Variants in BAG3 observed in about 807,000 individuals in gnomAD.
BAG3 encodes BAG family molecular chaperone regulator 3.
A neutral mutation model predicts 40.5 loss-of-function variants in BAG3; 14 were observed. The ratio of observed to expected loss-of-function variants is 0.35; its 90% CI spans 0.23 to 0.54. The LOEUF is 0.54. Ranked by LOEUF, BAG3 falls within the 20% of genes least tolerant of loss-of-function variation. The pLI, the probability that BAG3 is intolerant of heterozygous loss-of-function variation, is 0.91. For synonymous variants in BAG3, 302 were observed against 307.8 expected, an observed-to-expected ratio of 0.98 and a Z score of 0.20; for missense variants, 788 against 758.6, an observed-to-expected ratio of 1.04 and a Z score of -0.46.
intron 1 of BAG3, among the ~76,000 whole-genome samples, chr10:119,654,979 A>G (rs551919720): frequency 3.9e-5 from 6 of 152,262 alleles, no homozygotes; most frequent in Admixed American, 2.0e-4. Flanking sequence ...CCCCAACCCC[A>G]TGTTCAAATC....
chr10:119,675,902 CCCCT>C (rs1847225466), intron 3 of BAG3, among the ~76,000 whole-genome samples: 16 of 6,758 alleles, frequency 2.4e-3, no homozygotes, highest in Non-Finnish European at 3.3e-3. Flanking sequence ...CCTTCCTTCC[CCCCT>C]TCCTTCCTTC....
rs768252074 is a variant in BAG3, at chr10:119,676,839, C to T, written c.1285C>T (p.Leu429=). Residue 429 remains leucine (L), a synonymous_variant, in exon 4 of 4, where the codon CTG becomes TTG. Transcript: ENST00000369085. ...HPGVLKVEAI[L]EKVQGLEQAV... ...AGGAGTGCTGAAAGTGGAAGCCATCCTGGAGAAGGTACAGGGGCTGGAGCA... is the reference window on the plus strand; with the variant it reads ...AGGAGTGCTGAAAGTGGAAGCCATCTTGGAGAAGGTACAGGGGCTGGAGCA... The T allele has an allele frequency of 1.2e-6, 2 of 1,614,136 alleles. No individual in the cohort carries two copies. The highest frequency in any genetic ancestry group is 1.1e-5 in the South Asian group (1 of 91,082).
intron 1 of BAG3, among the ~76,000 whole-genome samples, chr10:119,652,590 T>C (rs553868538): frequency 6.6e-6 from 1 of 152,360 alleles, no homozygotes; most frequent in East Asian, 1.9e-4. Context: ...ACTAGAGATC[T>C]GAGACTGTCT....
chr10:119,663,108 G>A (rs1446983895), intron 1 of BAG3, among the ~76,000 whole-genome samples: 9 of 152,224 alleles, frequency 5.9e-5, no homozygotes, highest in African/African-American at 2.2e-4. Context: ...ACCACTCAGT[G>A]TGCAGGGAGT....
intron 1 of BAG3, among the ~76,000 whole-genome samples, chr10:119,664,978 G>GC (rs1847038510): frequency 6.6e-6 from 1 of 151,548 alleles, no homozygotes; most frequent in Non-Finnish European, 1.5e-5. Context: ...GAGTGCAATG[G>GC]TGTGATCTTA....
chr10:119,662,010 A>G (rs1846997421), intron 1 of BAG3, among the ~76,000 whole-genome samples: 1 of 152,110 alleles, frequency 6.6e-6, no homozygotes, highest in South Asian at 2.1e-4. Context: ...GAGCTTCGGT[A>G]GGGTGCTGAA....
At chr10:119,659,515 G>C (rs903105180) in intron 1 of BAG3, among the ~76,000 whole-genome samples, 3 of 152,164 alleles carry the variant, frequency 2.0e-5, no homozygotes, top group Admixed American at 6.5e-5. Context: ...ACCCTCTTCT[G>C]GGGGGTGTGG....
intron 1 of BAG3, among the ~76,000 whole-genome samples, chr10:119,656,866 A>G (rs771445642): frequency 7.2e-5 from 11 of 152,110 alleles, no homozygotes; most frequent in Non-Finnish European, 1.6e-4. Context: ...AGCTCTTTGA[A>G]CTAGAAACTA....
At chr10:119,667,713 G>A (rs73352000) in intron 1 of BAG3, among the ~76,000 whole-genome samples, 3,143 of 152,266 alleles carry the variant, frequency 0.021, 108 homozygotes, top group African/African-American at 0.072. Context: ...GGACTCCTCA[G>A]CGGGTGGCAG....
At chr10:119,670,290 G>T in intron 2 of BAG3, 113 bp downstream of exon 2, 1 of 1,194,548 alleles carries the variant, frequency 8.4e-7, no homozygotes, top group South Asian at 1.6e-5. Context: ...CACATGCAGG[G>T]CATCTGGGTC....
intron 3 of BAG3, among the ~76,000 whole-genome samples, chr10:119,675,810 T>G (rs1847216040): frequency 2.7e-5 from 1 of 36,422 alleles, no homozygotes; most frequent in Non-Finnish European, 5.2e-5. Flanking sequence ...CCTTCCCCCC[T>G]TCCCTGCTTC....
In BAG3 at chr10:119,651,560, G is replaced by C. The variant is rs1040126338; in HGVS notation, c.-116G>C. ...TTAATTCATAAAGGTGCCCGGCGCC[G>C]GCTTCCCGGACACGTCGGCGGCGGA... is the stretch of plus-strand genomic sequence containing the variant. On this transcript the variant is annotated 5_prime_UTR_variant, in exon 1 of 4. Coordinates refer to ENST00000369085, the MANE Select transcript of BAG3 (RefSeq NM_004281.4). 1 of 1,034,212 alleles carries C rather than the reference G, an allele frequency of 9.7e-7. No individual in the cohort carries two copies. Among genetic ancestry groups the C allele is most frequent in the African/African-American group, 1.7e-5 (1 of 58,388 alleles). 64.1% of individuals were successfully genotyped at this position (1,034,212 alleles called of 1,614,324 possible).
At chr10:119,658,435 A>ACTCTCGTGTGCCCTGC (rs1166552282) in intron 1 of BAG3, among the ~76,000 whole-genome samples, 1 of 152,006 alleles carries the variant, frequency 6.6e-6, no homozygotes, top group Non-Finnish European at 1.5e-5. Context: ...GAGTGCTCTC[A>ACTCTCGTGTGCCCTGC]CTCTCGTGTA....
intron 1 of BAG3, among the ~76,000 whole-genome samples, chr10:119,664,289 T>A (rs1290979155): frequency 6.6e-6 from 1 of 152,234 alleles, no homozygotes; most frequent in Non-Finnish European, 1.5e-5. Context: ...GCTTTCTATC[T>A]TGGCCATCTC....
chr10:119,670,173 C>G lies in BAG3; in HGVS notation c.503C>G (p.Pro168Arg). ...GCCCAGCCCCCAGCCTCCCACGGAC[C>G]TGAGGTAAGGAGAGGCCAGGCTCAC... Reference protein sequence around the residue: ...AAAQPPASHGPERSQSPAASD... With the variant: ...AAAQPPASHGRERSQSPAASD... The change falls in exon 2 of 4, where the codon CCT becomes CGT. Residue 168 changes from proline to arginine, a missense_variant. Physicochemically the swap from Pro to Arg is moderately radical, Grantham distance 103. Transcript: ENST00000369085. 6.2e-7 allele frequency: 1 copy of G among 1,608,306 alleles called. No individual in the cohort carries two copies. Among genetic ancestry groups the G allele is most frequent in the South Asian group, 1.1e-5 (1 of 90,852 alleles).
chr10:119,662,927 G>A (rs171909), intron 1 of BAG3, among the ~76,000 whole-genome samples: 88,689 of 152,038 alleles, frequency 0.58, 26,475 homozygotes, highest in Non-Finnish European at 0.64. Context: ...AGGCAGGAGA[G>A]TGGCGTGAAC....
chr10:119,666,176 C>T (rs1279742621), intron 1 of BAG3, among the ~76,000 whole-genome samples: 2 of 152,218 alleles, frequency 1.3e-5, no homozygotes, highest in Non-Finnish European at 2.9e-5. Flanking sequence ...CCAGCATGTC[C>T]TGGCTTCTCC....
chr10:119,663,297 T>C (rs1314261592), intron 1 of BAG3, among the ~76,000 whole-genome samples: 1 of 144,950 alleles, frequency 6.9e-6, no homozygotes, highest in African/African-American at 2.4e-5. Flanking sequence ...TTTGGTTTTG[T>C]TTTTTTGTTG....
intron 3 of BAG3, among the ~76,000 whole-genome samples, chr10:119,675,537 G>T (rs1474180146): frequency 6.6e-6 from 1 of 152,128 alleles, no homozygotes; most frequent in African/African-American, 2.4e-5. Flanking sequence ...GAAACTACTA[G>T]GCTGTCACGG....
Sources: gnomAD v4.1 joint callset for allele counts (sites outside exome capture counted in the v4.1 genomes callset) on GRCh38, gnomAD v4.1.1 for gene constraint, MANE v1.5 for transcripts, NCBI Gene and HGNC (gene_info 2026-07-23, HGNC 2026-07-21) for gene names.